DAB1: variants seen among roughly 807,000 people sequenced by gnomAD.
DAB1 encodes DAB adaptor protein 1, also known as disabled homolog 1.
A neutral mutation model predicts 64.6 loss-of-function variants in DAB1; 15 were observed. The observed-to-expected ratio is 0.23, with a 90% CI of 0.16 to 0.36. The LOEUF is 0.36. Ranked by LOEUF, DAB1 falls within the 10% of genes least tolerant of loss-of-function variation. DAB1 has a pLI of 1.00. For missense variants in DAB1, 596 were observed against 706.7 expected (o/e 0.84, Z 1.78); for synonymous variants, 235 against 251.9 (o/e 0.93, Z 0.64).
At chr1:58,370,374 C>T (rs954356255) in intron 3 of DAB1, among the ~76,000 whole-genome samples, 4 of 144,460 alleles carry the variant, frequency 2.8e-5, no homozygotes, top group Non-Finnish European at 4.6e-5. Flanking sequence ...TGAGTGTGTG[C>T]GTGTGTGTGT....
At chr1:57,116,962 C>T (rs148957968) in intron 4 of DAB1, among the ~76,000 whole-genome samples, 3 of 152,188 alleles carry the variant, frequency 2.0e-5, no homozygotes, top group East Asian at 1.9e-4. Context: ...TACTTCATCC[C>T]GGCACTCTGC....
intron 7 of DAB1, among the ~76,000 whole-genome samples, chr1:57,585,948 C>T (rs1645374067): frequency 4.6e-5 from 7 of 152,128 alleles, no homozygotes; most frequent in Admixed American, 3.9e-4. Flanking sequence ...TTACTTGGGC[C>T]AACTGGGCTC....
chr1:57,679,307 T>A (rs1053935415), intron 6 of DAB1, among the ~76,000 whole-genome samples: 2 of 152,182 alleles, frequency 1.3e-5, no homozygotes, highest in Non-Finnish European at 1.5e-5. Flanking sequence ...CCTCTCCACA[T>A]CTTGAAATCA....
intron 4 of DAB1, among the ~76,000 whole-genome samples, chr1:58,194,270 G>A (rs547310638): frequency 1.9e-4 from 29 of 152,294 alleles, no homozygotes; most frequent in African/African-American, 7.0e-4. Context: ...GTTTACCTAT[G>A]TGATATTTGC....
At chr1:57,437,634 A>G (rs1485675059) in intron 7 of DAB1, among the ~76,000 whole-genome samples, 1 of 152,322 alleles carries the variant, frequency 6.6e-6, no homozygotes, top group East Asian at 1.9e-4. Context: ...ATACCTTTAC[A>G]TGGGCAGAAC....
intron 6 of DAB1, among the ~76,000 whole-genome samples, chr1:57,710,886 C>T (rs1302021652): frequency 1.3e-5 from 2 of 152,072 alleles, no homozygotes; most frequent in Admixed American, 1.3e-4. Context: ...CCAGGGAGTC[C>T]CTTTATGTGT....
At chr1:58,376,474 T>A (rs1644327672) in intron 3 of DAB1, among the ~76,000 whole-genome samples, 4 of 139,652 alleles carry the variant, frequency 2.9e-5, no homozygotes, top group Non-Finnish European at 4.7e-5. Context: ...TCAGTTTCCA[T>A]GTAGTTGAGT....
chr1:58,289,813 C>T (rs1259801150), intron 4 of DAB1, among the ~76,000 whole-genome samples: 1 of 152,140 alleles, frequency 6.6e-6, no homozygotes, highest in African/African-American at 2.4e-5. Flanking sequence ...AGAATCTATG[C>T]TAAAAGCAAT....
At chr1:58,360,121 T>C (rs1331366035) in intron 3 of DAB1, among the ~76,000 whole-genome samples, 1 of 152,132 alleles carries the variant, frequency 6.6e-6, no homozygotes, top group Non-Finnish European at 1.5e-5. Context: ...TGTGTTCTAG[T>C]GGGGAAGACA....
chr1:57,594,943 C>T (rs1390952974), intron 7 of DAB1, among the ~76,000 whole-genome samples: 1 of 152,068 alleles, frequency 6.6e-6, no homozygotes, highest in Non-Finnish European at 1.5e-5. Flanking sequence ...ATCTCCTGAC[C>T]TCATGATCCA....
intron 5 of DAB1, among the ~76,000 whole-genome samples, chr1:57,948,470 T>A (rs1645216505): frequency 6.6e-6 from 1 of 152,210 alleles, no homozygotes. Flanking sequence ...ACCGTTGACA[T>A]CTATTTATTT....
Position 57,365,423 on chromosome 1 carries a change from G to A in DAB1, c.-137+58507C>T, listed in dbSNP as rs1356400061. On this transcript the variant is annotated intron_variant, in intron 1 of 14. Coordinates refer to ENST00000371236, the MANE Select transcript of DAB1 (RefSeq NM_001365792.1). The stretch of plus-strand genomic sequence containing the variant: ...ATATAAAGAAGAATATATATATTCT[G>A]TACTTCACAATAAAACTATATATTC... 3.4e-5 allele frequency among the ~76,000 whole-genome samples: 5 copies of A among 145,424 alleles called. No homozygotes were observed. In the Admixed American group the frequency reaches 3.5e-4, roughly 10 times the overall value.
intron 6 of DAB1, among the ~76,000 whole-genome samples, chr1:57,772,122 T>G (rs1341648639): frequency 6.6e-6 from 1 of 152,074 alleles, no homozygotes; most frequent in Non-Finnish European, 1.5e-5. Flanking sequence ...GCACTTATGA[T>G]GGATTAATGC....
At chr1:57,401,050 T>C (rs187281105) in intron 1 of DAB1, among the ~76,000 whole-genome samples, 13 of 150,292 alleles carry the variant, frequency 8.6e-5, no homozygotes, top group Middle Eastern at 3.5e-3. Flanking sequence ...TATTTTGACA[T>C]GATTAGTAGC....
intron 12 of DAB1, among the ~76,000 whole-genome samples, chr1:57,012,948 T>C (rs1646308582): frequency 6.6e-6 from 1 of 152,230 alleles, no homozygotes; most frequent in African/African-American, 2.4e-5. Context: ...CTTTATAGGA[T>C]GCTGCTAATA....
intron 5 of DAB1, among the ~76,000 whole-genome samples, chr1:57,967,921 G>A (rs1325882368): frequency 2.6e-5 from 4 of 152,070 alleles, no homozygotes; most frequent in African/African-American, 7.2e-5. Context: ...CAAAATTTTT[G>A]CATTTTCGTA....
intron 5 of DAB1, among the ~76,000 whole-genome samples, chr1:57,944,426 G>T (rs2100212761): frequency 6.6e-6 from 1 of 152,268 alleles, no homozygotes. Flanking sequence ...CCACAGGCCT[G>T]CAGAGCTTTC....
At chr1:57,587,850 C>A (rs986157752) in intron 7 of DAB1, among the ~76,000 whole-genome samples, 1 of 152,176 alleles carries the variant, frequency 6.6e-6, no homozygotes, top group African/African-American at 2.4e-5. Context: ...GGAGTTGGCT[C>A]ATGCTGTGTG....
chr1:57,888,509 A>G (rs182076104), upstream of DAB1, among the ~76,000 whole-genome samples: 10 of 152,318 alleles, frequency 6.6e-5, no homozygotes, highest in Admixed American at 5.2e-4. Context: ...TTTTACTCCT[A>G]GACACCTAAC....
Sources: allele counts gnomAD v4.1 joint callset (sites outside exome capture counted in the v4.1 genomes callset), GRCh38; gene constraint gnomAD v4.1.1; transcripts MANE v1.5; gene names NCBI Gene and HGNC (gene_info 2026-07-23, HGNC 2026-07-21).